BTRC: variants seen among roughly 807,000 people sequenced by gnomAD.
The protein encoded by BTRC is F-box/WD repeat-containing protein 1A.
In BTRC, 42 loss-of-function variants were observed where a neutral mutation model predicts 85.5. The observed-to-expected ratio is 0.49, with a 90% confidence interval of 0.38 to 0.64. The LOEUF is 0.64. Ranked by LOEUF, BTRC falls within the 30% of genes least tolerant of loss-of-function variation. The pLI is 0.00. For synonymous variants in BTRC, 255 were observed against 263.3 expected, an observed-to-expected ratio of 0.97 and a Z score of 0.30; for missense variants, 594 against 743.5, an observed-to-expected ratio of 0.80 and a Z score of 2.34.
Position 101,452,575 on chromosome 10 carries a change from G to A in BTRC, c.157-9406G>A, listed in dbSNP as rs781156723. Among the ~76,000 whole-genome samples the A allele has an allele frequency of 3.9e-5, 6 of 152,346 alleles. No individual in the cohort carries two copies. The South Asian group carries it at 1.0e-3, about 26-fold the overall frequency. The stretch of plus-strand genomic sequence containing the variant: ...TATATGATTAGTGTCGGACAGTGTG[G>A]CGGGGAGAAAGCCTGCTTGGCAGTT... On this transcript the variant is annotated intron_variant, in intron 2 of 14. Coordinates refer to ENST00000370187, the MANE Select transcript of BTRC (RefSeq NM_033637.4).
chr10:101,534,968 T>C (rs2062363723), intron 10 of BTRC, 58 bp downstream of exon 10: 1 of 1,568,620 alleles, frequency 6.4e-7, no homozygotes, highest in Admixed American at 1.7e-5. Flanking sequence ...CATATGAAAA[T>C]TTGATCAAGG....
At chr10:101,494,610 C>T (rs4429005) in intron 4 of BTRC, among the ~76,000 whole-genome samples, 146,135 of 152,252 alleles carry the variant, frequency 0.96, 70,400 homozygotes, top group East Asian at 1. Context: ...TTTTCCCTCC[C>T]TGATTCAAGG....
intron 1 of BTRC, among the ~76,000 whole-genome samples, chr10:101,420,709 C>T (rs961158631): frequency 6.6e-6 from 1 of 151,970 alleles, no homozygotes; most frequent in Admixed American, 6.6e-5. Context: ...CGGGAATACC[C>T]TTTTCCTACT....
chr10:101,392,792 G>A (rs1423202880), intron 1 of BTRC, among the ~76,000 whole-genome samples: 1 of 152,132 alleles, frequency 6.6e-6, no homozygotes, highest in Non-Finnish European at 1.5e-5. Flanking sequence ...CCAAAGTGCT[G>A]GAATTATAGG....
chr10:101,358,951 G>A (rs184433355), intron 1 of BTRC, among the ~76,000 whole-genome samples: 2 of 152,298 alleles, frequency 1.3e-5, no homozygotes, highest in Non-Finnish European at 2.9e-5. Context: ...GCTACCGTAG[G>A]TGCTATGCTA....
chr10:101,522,372 A>C lies in BTRC; in HGVS notation c.556+502A>C, dbSNP rs1284791835. 2.0e-3 allele frequency among the ~76,000 whole-genome samples: 139 copies of C among 69,914 alleles called. 4 individuals are homozygous for C. The highest frequency in any genetic ancestry group is 3.4e-3 in the Non-Finnish European group (110 of 32,424). The allele number at this position is 69,914 out of a possible 152,430, so 45.9% of individuals were successfully genotyped here. The stretch of plus-strand genomic sequence containing the variant: ...AGCTTTAAAAAAAAAAAAAACAAAA[A>C]AAAACAAAAAAAAAAAAACTCTAGA... On this transcript the variant is annotated intron_variant, in intron 5 of 14. Coordinates refer to ENST00000370187, the MANE Select transcript of BTRC (RefSeq NM_033637.4).
intron 5 of BTRC, among the ~76,000 whole-genome samples, chr10:101,524,325 G>A (rs2062160311): frequency 6.6e-6 from 1 of 152,080 alleles, no homozygotes; most frequent in Non-Finnish European, 1.5e-5. Flanking sequence ...GTTCTCCCCA[G>A]TCACTGAGAC....
rs865968602 is a variant in BTRC, at chr10:101,532,803, C to T, written c.979-149C>T. 1.3e-3 allele frequency: 787 copies of T among 621,216 alleles called. 28 individuals are homozygous for T. The highest frequency in any genetic ancestry group is 5.4e-3 in the South Asian group (284 of 52,562). 38.5% of individuals were successfully genotyped at this position (621,216 alleles called of 1,614,324 possible). A position where few individuals can be genotyped will look rare whatever the true frequency, so the allele number is the denominator to read the frequency against. ...GTGTGTGTGTGTGCGCGTGTGCGCG[C>T]GCGCGCGCTTAGCTATACCTATAGA... On this transcript the variant is annotated intron_variant, in intron 8 of 14. Coordinates refer to ENST00000370187, the MANE Select transcript of BTRC (RefSeq NM_033637.4).
chr10:101,550,768 A>T lies in BTRC; in HGVS notation c.1726A>T (p.Thr576Ser). The change falls in exon 14 of 15, where the codon ACA (threonine) becomes TCA (serine). Residue 576 changes from threonine to serine, a missense_variant. Thr to Ser is a moderately conservative substitution (Grantham distance 58). Coordinates refer to ENST00000370187, the MANE Select transcript of BTRC (RefSeq NM_033637.4). ...FQIVSSSHDDTILIWDFLNDP... is the reference protein window; with the variant it reads ...FQIVSSSHDDSILIWDFLNDP... ...GATTGTCAGTAGTTCACATGATGAC[A>T]CAATCCTCATCTGGGACTTCCTAAA... The T allele has an allele frequency of 6.2e-7, 1 of 1,614,062 alleles. No individual in the cohort carries two copies. Among genetic ancestry groups the T allele is most frequent in the African/African-American group, 1.3e-5 (1 of 75,050 alleles).
In BTRC at chr10:101,366,874, A is replaced by T. The variant is rs1316542530; in HGVS notation, c.48+12646A>T. On this transcript the variant is annotated intron_variant, in intron 1 of 14. Transcript: ENST00000370187. ...TTAATATATATTTATATATTAATAT[A>T]TATTTATATATATTTATATATATTT... Among the ~76,000 whole-genome samples, 12 of 14,968 alleles carry T rather than the reference A, an allele frequency of 8.0e-4. 4 individuals are homozygous for T. The highest frequency in any genetic ancestry group is 2.6e-3 in the Admixed American group (2 of 780). The allele number at this position is 14,968 out of a possible 152,430, so 9.8% of individuals were successfully genotyped here.
chr10:101,364,986 G>A (rs1224364744), intron 1 of BTRC: 2 of 151,896 alleles, frequency 1.3e-5, no homozygotes, highest in Admixed American at 1.3e-4. Flanking sequence ...ATACTAAACT[G>A]ATGAGAACAG....
At chr10:101,396,183 T>C (rs1943357608) in intron 1 of BTRC, among the ~76,000 whole-genome samples, 1 of 151,296 alleles carries the variant, frequency 6.6e-6, no homozygotes, top group East Asian at 1.9e-4. Context: ...ACACTGTCTT[T>C]GCTCTCATTT....
At chr10:101,513,380 A>G (rs1257758409) in intron 4 of BTRC, among the ~76,000 whole-genome samples, 1 of 152,352 alleles carries the variant, frequency 6.6e-6, no homozygotes, top group East Asian at 1.9e-4. Context: ...TGGCGTAACA[A>G]TCAAGTTAGA....
At chr10:101,367,398 T>C (rs1453869347) in intron 1 of BTRC, among the ~76,000 whole-genome samples, 1 of 152,102 alleles carries the variant, frequency 6.6e-6, no homozygotes, top group East Asian at 1.9e-4. Flanking sequence ...AAGAATGTTC[T>C]AGTGTACTTT....
rs766519472 is a variant in BTRC, at chr10:101,532,298, A to G, written c.844A>G (p.Ile282Val). Residue 282 changes from isoleucine (I) to valine (V), a missense_variant, in exon 8 of 15, where the codon ATA becomes GTA. This residue lies in a region of BTRC where 373 missense variants were observed against 503.6 expected (regional missense o/e 0.74). Transcript: ENST00000370187. ...CTTTCCCATTCCTTCTTCTCAGACA[A>G]TAGAATCTAATTGGAGATGTGGAAG... ...YPKIIQDIET[I>V]ESNWRCGRHS... is the part of the protein sequence containing the mutation. 18 of 1,610,174 alleles carry G rather than the reference A, an allele frequency of 1.1e-5. No homozygotes were observed. The highest frequency in any genetic ancestry group is 1.4e-5 in the Non-Finnish European group (17 of 1,178,870).
At chr10:101,427,363 A>T (rs1161171504) in intron 1 of BTRC, among the ~76,000 whole-genome samples, 2 of 150,708 alleles carry the variant, frequency 1.3e-5, no homozygotes, top group Non-Finnish European at 3.0e-5. Context: ...TGTTCCACCC[A>T]CCTTGGCCTC....
chr10:101,452,512 A>G (rs1204960239), intron 2 of BTRC, among the ~76,000 whole-genome samples: 2 of 152,230 alleles, frequency 1.3e-5, no homozygotes, highest in Non-Finnish European at 2.9e-5. Context: ...AATATACACA[A>G]TCCCTCTGCA....
chr10:101,493,300 C>T (rs1272210740), intron 4 of BTRC, among the ~76,000 whole-genome samples: 1 of 152,148 alleles, frequency 6.6e-6, no homozygotes, highest in Non-Finnish European at 1.5e-5. Context: ...CCTTTTTGCA[C>T]CATTACAGGT....
intron 1 of BTRC, among the ~76,000 whole-genome samples, chr10:101,405,634 A>G (rs1369996350): frequency 6.6e-6 from 1 of 152,110 alleles, no homozygotes; most frequent in African/African-American, 2.4e-5. Context: ...TTCTCCAATT[A>G]CCTGCTAGTA....
Sources: allele counts gnomAD v4.1 joint callset (sites outside exome capture counted in the v4.1 genomes callset), GRCh38; gene constraint gnomAD v4.1.1; regional missense constraint gnomAD v4.1.1; transcripts MANE v1.5; gene names NCBI Gene and HGNC (gene_info 2026-07-23, HGNC 2026-07-21).